The following PKHD1L1 variants were observed in gnomAD, a reference collection of about 807,000 sequenced individuals.
The protein encoded by PKHD1L1 is fibrocystin-L.
A neutral mutation model predicts 462.9 loss-of-function variants in PKHD1L1; 434 were observed. That is an observed-to-expected ratio of 0.94 (90% CI 0.87 to 1.02). The LOEUF (loss-of-function observed/expected upper bound fraction) is 1.02. PKHD1L1 is among the 50% of genes least tolerant of loss of function. The pLI, the probability that PKHD1L1 is intolerant of heterozygous loss-of-function variation, is 0.00. For missense variants in PKHD1L1, 5,202 were observed against 5,096.1 expected (o/e 1.02, Z -0.63); for synonymous variants, 1,781 against 1,750.0 (o/e 1.02, Z -0.44).
chr8:109,444,642 G>A lies in PKHD1L1; in HGVS notation c.4792-19G>A. On this transcript the variant is annotated intron_variant, in intron 37 of 77. Transcript: ENST00000378402. ...GGTATGTATTGACTTGTTTTATTTT[G>A]TATTCATTTTACTTACAGGTTACAA... The A allele has an allele frequency of 1.3e-6, 2 of 1,591,936 alleles. No individual in the cohort carries two copies. The highest frequency in any genetic ancestry group is 1.7e-6 in the Non-Finnish European group (2 of 1,166,950).
At chr8:109,376,958 A>T (rs1811868394) in intron 2 of PKHD1L1, among the ~76,000 whole-genome samples, 1 of 152,182 alleles carries the variant, frequency 6.6e-6, no homozygotes, top group South Asian at 2.1e-4. Flanking sequence ...CTTTACCAGA[A>T]CTGGAGGTGA....
chr8:109,419,112 C>A lies in PKHD1L1; in HGVS notation c.2376C>A (p.Cys792Ter), dbSNP rs369095788. The A allele has an allele frequency of 1.1e-5, 18 of 1,612,992 alleles. No homozygotes were observed. In the African/African-American group the frequency reaches 2.3e-4, roughly 20 times the overall value. Reference sequence around the variant, plus strand: ...CGTATTTCAGCTGGACTTACACTTGCATAGACCTTCTGGATCTCGTAAGAA... The same window carrying A: ...CGTATTTCAGCTGGACTTACACTTGAATAGACCTTCTGGATCTCGTAAGAA... ...FAYGNNWTYT[C>*]IDLLDLVRTK... The change falls in exon 22 of 78, where the codon TGC becomes TGA. Residue 792 changes from cysteine (C) to a stop codon, truncating the protein, a stop_gained. Transcript: ENST00000378402. LOFTEE classifies it high-confidence loss of function.
chr8:109,498,340 A>C, intron 65 of PKHD1L1, 122 bp from the exon 66 acceptor site: 3 of 556,036 alleles, frequency 5.4e-6, no homozygotes, highest in Non-Finnish European at 9.3e-6. Context: ...TGACCTCATG[A>C]TCCACCCGCC....
intron 19 of PKHD1L1, among the ~76,000 whole-genome samples, chr8:109,410,395 G>T (rs1462970553): frequency 6.6e-6 from 1 of 152,104 alleles, no homozygotes; most frequent in Non-Finnish European, 1.5e-5. Flanking sequence ...TCGACATCTT[G>T]GAAGGCCTTG....
chr8:109,393,580 G>A (rs1390686315), intron 9 of PKHD1L1, among the ~76,000 whole-genome samples: 1 of 152,146 alleles, frequency 6.6e-6, no homozygotes, highest in Non-Finnish European at 1.5e-5. Context: ...GGGCAGAGGA[G>A]TAGTACTGTG....
At chr8:109,483,179 T>G in intron 57 of PKHD1L1, 74 bp downstream of exon 57, 1 of 968,638 alleles carries the variant, frequency 1.0e-6, no homozygotes, top group Non-Finnish European at 1.4e-6. Context: ...TATTCTACTC[T>G]CATGGGCATT....
In PKHD1L1 at chr8:109,412,272, T is replaced by A. The variant is rs544347240; in HGVS notation, c.2093T>A (p.Ile698Asn). Residue 698 changes from isoleucine to asparagine, a missense_variant, in exon 20 of 78, where the codon ATT (isoleucine) becomes AAT (asparagine). Ile to Asn is a moderately radical substitution (Grantham distance 149). This residue lies in a region of PKHD1L1 where 4,497 missense variants were observed against 4,336.8 expected (regional missense o/e 1.04). Coordinates refer to ENST00000378402, the MANE Select transcript of PKHD1L1 (RefSeq NM_177531.6). Reference sequence around the variant, plus strand: ...ATATTATTGTTTCGGTAGGAACATATTAACAGAGGGCAGAAGACAGCTGAA... The same window carrying A: ...ATATTATTGTTTCGGTAGGAACATAATAACAGAGGGCAGAAGACAGCTGAA... ...DYETDFNLEH[I>N]NRGQKTAETD... The A allele has an allele frequency of 6.2e-7, 1 of 1,613,264 alleles. No individual in the cohort carries two copies. The highest frequency in any genetic ancestry group is 1.3e-5 in the African/African-American group (1 of 74,996).
chr8:109,379,746 A>G lies in PKHD1L1; in HGVS notation c.164-1624A>G, dbSNP rs539968594. Among the ~76,000 whole-genome samples the G allele has an allele frequency of 3.3e-5, 5 of 152,298 alleles. No homozygotes were observed. The East Asian group carries it at 9.6e-4, about 29-fold the overall frequency. On this transcript the variant is annotated intron_variant, in intron 2 of 77. Coordinates refer to ENST00000378402, the MANE Select transcript of PKHD1L1 (RefSeq NM_177531.6). ...TTTCCAGGTAGAAAATGCTCCCATC[A>G]TGGGTCGCAATATAGATTCCACTGA...
Position 109,406,427 on chromosome 8 carries a change from A to G in PKHD1L1, c.1762A>G (p.Thr588Ala), listed in dbSNP as rs777590362. ...ACCGGACACAGTTCAAGTAATAAGA[A>G]CACAAAATCCCCAGAGCTATGTCTA... ...IKPDTVQVIR[T>A]QNPQSYVYMV... The change falls in exon 17 of 78, where the codon ACA becomes GCA. Residue 588 changes from threonine to alanine, a missense_variant. Transcript: ENST00000378402. 9 of 1,598,038 alleles carry G rather than the reference A, an allele frequency of 5.6e-6. No individual in the cohort carries two copies. In the Admixed American group the frequency reaches 8.6e-5, roughly 15 times the overall value.
At chr8:109,519,855 G>GA (rs1424764888) in intron 73 of PKHD1L1, among the ~76,000 whole-genome samples, 1 of 152,090 alleles carries the variant, frequency 6.6e-6, no homozygotes, top group Non-Finnish European at 1.5e-5. Flanking sequence ...ACTAGGTTGG[G>GA]ATCTACCCTA....
intron 55 of PKHD1L1, 90 bp from the exon 56 acceptor site, chr8:109,481,343 G>A: frequency 8.3e-7 from 1 of 1,198,616 alleles, no homozygotes; most frequent in South Asian, 1.8e-5. Context: ...TTTTTACTAG[G>A]CTTCCAGTGA....
chr8:109,387,037 T>A (rs1461566843), intron 6 of PKHD1L1, among the ~76,000 whole-genome samples: 2 of 152,126 alleles, frequency 1.3e-5, no homozygotes, highest in African/African-American at 4.8e-5. Flanking sequence ...AAGAAAGTCT[T>A]GGAGCTGCAT....
rs1172766071 is a variant in PKHD1L1, at chr8:109,377,760, TAGG to T, written c.164-3607_164-3605del. ...ATAAGTACCTTTTTAACATTTTTATTAGGAGAACATTTAATTATAGGATTTAAT... is the reference window on the plus strand; with the variant it reads ...ATAAGTACCTTTTTAACATTTTTATTAGAACATTTAATTATAGGATTTAAT... On this transcript the variant is annotated intron_variant, in intron 2 of 77. Transcript: ENST00000378402. 4.6e-5 allele frequency among the ~76,000 whole-genome samples: 7 copies of T among 152,306 alleles called. No individual in the cohort carries two copies. In the East Asian group the frequency reaches 1.3e-3, roughly 29 times the overall value.
intron 2 of PKHD1L1, among the ~76,000 whole-genome samples, chr8:109,376,318 C>A (rs924665304): frequency 2.0e-5 from 3 of 152,206 alleles, no homozygotes; most frequent in Non-Finnish European, 2.9e-5. Flanking sequence ...GATATAATCT[C>A]CTGGTGTGCC....
rs762630185 is a variant in PKHD1L1 at position 109,466,561 on chromosome 8, G to T, written c.8414-17G>T. On this transcript the variant is annotated splice_polypyrimidine_tract_variant and intron_variant, in intron 49 of 77. Coordinates refer to ENST00000378402, the MANE Select transcript of PKHD1L1 (RefSeq NM_177531.6). ...TAATGTGAAATAAAAAACATATTTT[G>T]TTTGTTTGTTTCCCAGGGCACAAAG... is the stretch of plus-strand genomic sequence containing the variant. 3.2e-6 allele frequency: 5 copies of T among 1,544,358 alleles called. No homozygotes were observed. The East Asian group carries it at 1.2e-4, about 36-fold the overall frequency.
At chr8:109,507,095 A>G (rs1819728840) in intron 68 of PKHD1L1, among the ~76,000 whole-genome samples, 1 of 152,176 alleles carries the variant, frequency 6.6e-6, no homozygotes, top group East Asian at 1.9e-4. Context: ...ATATCCATAA[A>G]CAAAGGTCTA....
At chr8:109,522,069 C>A in intron 73 of PKHD1L1, 117 bp from the exon 74 acceptor site, 1 of 1,035,798 alleles carries the variant, frequency 9.7e-7, no homozygotes, top group South Asian at 1.8e-5. Flanking sequence ...GACTAGAAAG[C>A]CTTAGAATTC....
rs1207694814 is a variant in PKHD1L1 at position 109,532,011 on chromosome 8, A to T, written c.*1921A>T. ...AAAACTGCAATTCCAGCATCTATGG[A>T]ACAAATTCCTACATTTGGGTTCTGG... On this transcript the variant is annotated 3_prime_UTR_variant, in exon 78 of 78. Transcript: ENST00000378402. Among the ~76,000 whole-genome samples, 1 of 152,216 alleles carries T rather than the reference A, an allele frequency of 6.6e-6. No individual in the cohort carries two copies. The highest frequency in any genetic ancestry group is 1.5e-5 in the Non-Finnish European group (1 of 68,030).
intron 39 of PKHD1L1, among the ~76,000 whole-genome samples, chr8:109,448,847 T>C (rs950864786): frequency 1.3e-5 from 2 of 152,144 alleles, no homozygotes; most frequent in African/African-American, 4.8e-5. Context: ...TGATGTATGA[T>C]TAATTTACTT....
Sources: allele counts gnomAD v4.1 joint callset (sites outside exome capture counted in the v4.1 genomes callset), GRCh38; gene constraint gnomAD v4.1.1; regional missense constraint gnomAD v4.1.1; transcripts MANE v1.5; gene names NCBI Gene and HGNC (gene_info 2026-07-23, HGNC 2026-07-21).